Variants in DLGAP2 observed in about 807,000 individuals in gnomAD.
The protein encoded by DLGAP2 is disks large-associated protein 2.
A neutral mutation model predicts 100.3 loss-of-function variants in DLGAP2; 26 were observed. That is an observed-to-expected ratio of 0.26 (90% CI 0.19 to 0.36). DLGAP2 has a LOEUF of 0.36. DLGAP2 is among the 10% of genes least tolerant of loss of function. DLGAP2 has a pLI of 1.00. For missense variants in DLGAP2, 1,858 were observed against 1,453.2 expected (o/e 1.28, Z -4.53); for synonymous variants, 886 against 630.1 (o/e 1.41, Z -6.08).
At chr8:849,270 C>T (rs1263358358) in intron 1 of DLGAP2, among the ~76,000 whole-genome samples, 1 of 152,174 alleles carries the variant, frequency 6.6e-6, no homozygotes, top group Non-Finnish European at 1.5e-5. Context: ...AGCATAGGAT[C>T]ACACAGAGTC....
At chr8:1,100,923 A>G (rs1478918376) in intron 2 of DLGAP2, among the ~76,000 whole-genome samples, 1 of 152,244 alleles carries the variant, frequency 6.6e-6, no homozygotes, top group East Asian at 1.9e-4. Flanking sequence ...TAGCTGTTCC[A>G]GTGAAACTTT....
intron 4 of DLGAP2, among the ~76,000 whole-genome samples, chr8:1,506,645 C>T (rs925638727): frequency 6.6e-6 from 1 of 152,174 alleles, no homozygotes; most frequent in Non-Finnish European, 1.5e-5. Context: ...GCTTTTATTC[C>T]CTTATCTGGC....
chr8:1,165,528 A>T (rs1796998690), intron 2 of DLGAP2, among the ~76,000 whole-genome samples: 1 of 152,336 alleles, frequency 6.6e-6, no homozygotes, highest in Admixed American at 6.5e-5. Flanking sequence ...GGTGATTTGC[A>T]TGGCATGTGT....
At chr8:1,270,581 T>G (rs4495453) in intron 3 of DLGAP2, among the ~76,000 whole-genome samples, 1 of 152,066 alleles carries the variant, frequency 6.6e-6, no homozygotes, top group African/African-American at 2.4e-5. Flanking sequence ...GCCATTAATT[T>G]GAAGTGGGGG....
chr8:821,405 A>G (rs907154873), intron 1 of DLGAP2, among the ~76,000 whole-genome samples: 3 of 152,222 alleles, frequency 2.0e-5, no homozygotes, highest in Admixed American at 2.0e-4. Flanking sequence ...CAACCTAATA[A>G]GTCTCCTTAA....
At chr8:1,381,704 C>G (rs1796098011) in intron 3 of DLGAP2, among the ~76,000 whole-genome samples, 1 of 152,076 alleles carries the variant, frequency 6.6e-6, no homozygotes, top group Non-Finnish European at 1.5e-5. Context: ...CTATTTCACT[C>G]AGCATCATGT....
At position 954,105 on chromosome 8, in the gene DLGAP2, A is replaced by C. The variant is rs568978148; in HGVS notation, c.73+46139A>C. Among the ~76,000 whole-genome samples the C allele has an allele frequency of 3.3e-5, 5 of 152,326 alleles. No homozygotes were observed. The East Asian group carries it at 5.8e-4, about 18-fold the overall frequency. ...AGTTTTGACGTCTTGAACCCCTGAA[A>C]GAGTGTCAGTGGCTCCCAGGAAAAG... On this transcript the variant is annotated intron_variant, in intron 2 of 14. Transcript: ENST00000637795.
chr8:1,256,425 G>A (rs568918548), intron 2 of DLGAP2, among the ~76,000 whole-genome samples: 21 of 140,546 alleles, frequency 1.5e-4, no homozygotes, highest in Admixed American at 3.6e-4. Flanking sequence ...CTGCTTGGGC[G>A]CTGTGCGTCT....
Position 1,683,317 on chromosome 8 carries a change from A to C in DLGAP2, c.2704+4688A>C, listed in dbSNP as rs928512056. Among the ~76,000 whole-genome samples, 55 of 151,498 alleles carry C rather than the reference A, an allele frequency of 3.6e-4. 4 individuals are homozygous for C. The highest frequency in any genetic ancestry group is 5.9e-5 in the Non-Finnish European group (4 of 67,694). On this transcript the variant is annotated intron_variant, in intron 12 of 14. Coordinates refer to ENST00000637795, the MANE Select transcript of DLGAP2 (RefSeq NM_001346810.2). ...TGGTGGTGACTGAAAAGGAGATTCAAGAGTCCACGCAGAGGCAGAGAACTG... is the reference window on the plus strand; with the variant it reads ...TGGTGGTGACTGAAAAGGAGATTCACGAGTCCACGCAGAGGCAGAGAACTG...
chr8:1,558,963 C>A lies in DLGAP2; in HGVS notation c.1231-6720C>A, dbSNP rs534668397. On this transcript the variant is annotated intron_variant, in intron 5 of 14. Transcript: ENST00000637795. ...AGCAATGGACGATAATGTTTTTCCTCGGTTCCAGTGCCTCCAAGAGAATAT... is the reference window on the plus strand; with the variant it reads ...AGCAATGGACGATAATGTTTTTCCTAGGTTCCAGTGCCTCCAAGAGAATAT... 2.0e-5 allele frequency among the ~76,000 whole-genome samples: 3 copies of A among 152,310 alleles called. No individual in the cohort carries two copies. In the South Asian group the frequency reaches 6.2e-4, roughly 32 times the overall value.
chr8:1,500,053 G>C (rs535400000), intron 3 of DLGAP2, among the ~76,000 whole-genome samples: 1 of 152,312 alleles, frequency 6.6e-6, no homozygotes, highest in African/African-American at 2.4e-5. Flanking sequence ...CCACATATGT[G>C]TGTGAATACA....
At chr8:1,189,411 TA>T (rs1379734113) in intron 2 of DLGAP2, among the ~76,000 whole-genome samples, 1 of 152,202 alleles carries the variant, frequency 6.6e-6, no homozygotes, top group Non-Finnish European at 1.5e-5. Flanking sequence ...GGAGTGCAGT[TA>T]CCATGTCAGA....
At chr8:1,409,326 G>C (rs912834259) in intron 3 of DLGAP2, among the ~76,000 whole-genome samples, 1 of 151,652 alleles carries the variant, frequency 6.6e-6, no homozygotes, top group Non-Finnish European at 1.5e-5. Context: ...ACCATAGCAG[G>C]CGCCTGGCTC....
rs773081201 is a variant in DLGAP2, at chr8:1,565,824, C to A, written c.1372C>A (p.Pro458Thr). ...GTCAGACTCCAGCCCCAAGACATCA[C>A]CAAAGTCGGCAATCCTACCAGAGCC... ...GESDSSPKTS[P>T]KSAILPEPLL... The change falls in exon 6 of 15, where the codon CCA becomes ACA. Residue 458 changes from proline (P) to threonine (T), a missense_variant. By Grantham distance (38) the Pro-to-Thr change is conservative. Coordinates refer to ENST00000637795, the MANE Select transcript of DLGAP2 (RefSeq NM_001346810.2). 1.9e-6 allele frequency: 3 copies of A among 1,613,552 alleles called. No individual in the cohort carries two copies. The highest frequency in any genetic ancestry group is 1.1e-5 in the South Asian group (1 of 91,020).
At chr8:1,026,182 C>G (rs1447243690) in intron 2 of DLGAP2, among the ~76,000 whole-genome samples, 1 of 152,154 alleles carries the variant, frequency 6.6e-6, no homozygotes, top group African/African-American at 2.4e-5. Flanking sequence ...TCGTTGTCAC[C>G]TCATCCAGGA....
intron 3 of DLGAP2, among the ~76,000 whole-genome samples, chr8:1,433,689 G>A (rs961620237): frequency 3.3e-5 from 5 of 150,198 alleles, no homozygotes; most frequent in African/African-American, 4.9e-5. Flanking sequence ...TTAGGTGCCT[G>A]GAGTTTTGCT....
At chr8:1,595,203 G>A (rs543660597) in intron 6 of DLGAP2, among the ~76,000 whole-genome samples, 1 of 152,028 alleles carries the variant, frequency 6.6e-6, no homozygotes, top group South Asian at 2.1e-4. Context: ...ATCACACCTG[G>A]CTAATTTTTG....
chr8:1,540,935 G>T (rs1002613693), intron 4 of DLGAP2, among the ~76,000 whole-genome samples: 12 of 152,202 alleles, frequency 7.9e-5, no homozygotes, highest in Admixed American at 4.6e-4. Flanking sequence ...GTACAAAGCG[G>T]CTCCTGTGAG....
chr8:1,155,180 C>T (rs1264537724), intron 2 of DLGAP2, among the ~76,000 whole-genome samples: 2 of 152,364 alleles, frequency 1.3e-5, no homozygotes, highest in East Asian at 1.9e-4. Context: ...CGTCTCTCCT[C>T]TGCCCAGCAC....
Sources: gnomAD v4.1 joint callset for allele counts (sites outside exome capture counted in the v4.1 genomes callset) on GRCh38, gnomAD v4.1.1 for gene constraint, MANE v1.5 for transcripts, NCBI Gene and HGNC (gene_info 2026-07-23, HGNC 2026-07-21) for gene names.